The following CTTNBP2 variants were observed in gnomAD, a reference collection of about 807,000 sequenced individuals.
CTTNBP2 encodes the protein cortactin-binding protein 2.
Under a neutral mutation model 156.9 loss-of-function variants are expected in CTTNBP2, and 108 were observed. That is an observed-to-expected ratio of 0.69 (90% CI 0.59 to 0.81). The LOEUF is 0.81. Ranked by LOEUF, CTTNBP2 falls within the 30% of genes least tolerant of loss-of-function variation. CTTNBP2 has a pLI of 0.00. For synonymous variants in CTTNBP2, 767 were observed against 751.8 expected, an observed-to-expected ratio of 1.02 and a Z score of -0.33; for missense variants, 1,924 against 2,035.4, an observed-to-expected ratio of 0.95 and a Z score of 1.05.
At chr7:117,724,905 A>T (rs1007516637) in intron 18 of CTTNBP2, 147 bp downstream of exon 18, 2 of 1,001,458 alleles carry the variant, frequency 2.0e-6, no homozygotes, top group Non-Finnish European at 2.9e-6. Flanking sequence ...TCAAACATTA[A>T]CCAGTAATTA....
At chr7:117,788,586 C>G (rs1798828508) in intron 4 of CTTNBP2, among the ~76,000 whole-genome samples, 1 of 152,098 alleles carries the variant, frequency 6.6e-6, no homozygotes, top group Admixed American at 6.5e-5. Flanking sequence ...GGAGGCAGCT[C>G]TGGTGTTTCT....
At chr7:117,779,569 A>ATATATTC (rs1237723385) in intron 7 of CTTNBP2, among the ~76,000 whole-genome samples, 9 of 152,086 alleles carry the variant, frequency 5.9e-5, no homozygotes, top group African/African-American at 1.9e-4. Flanking sequence ...TTTATACTGA[A>ATATATTC]TGTGTGTAAC....
intron 3 of CTTNBP2, among the ~76,000 whole-genome samples, chr7:117,794,271 A>C (rs532116751): frequency 6.6e-6 from 1 of 152,248 alleles, no homozygotes; most frequent in South Asian, 2.1e-4. Context: ...CTCATGAAGG[A>C]CAAAGGACTC....
At chr7:117,724,062 A>C (rs1012436826) in intron 19 of CTTNBP2, among the ~76,000 whole-genome samples, 9 of 152,170 alleles carry the variant, frequency 5.9e-5, no homozygotes, top group African/African-American at 2.2e-4. Context: ...CTCTATTTCC[A>C]GTGCCTAGAC....
intron 3 of CTTNBP2, among the ~76,000 whole-genome samples, chr7:117,802,219 A>G (rs13225752): frequency 1.3e-5 from 2 of 151,898 alleles, no homozygotes; most frequent in African/African-American, 4.8e-5. Flanking sequence ...GAAAATTACA[A>G]TTATATAAGA....
intron 12 of CTTNBP2, among the ~76,000 whole-genome samples, chr7:117,755,878 G>T (rs560638317): frequency 6.6e-6 from 1 of 152,180 alleles, no homozygotes; most frequent in Admixed American, 6.5e-5. Flanking sequence ...CAGGAATGAC[G>T]TGTGCAATTC....
intron 2 of CTTNBP2, among the ~76,000 whole-genome samples, chr7:117,856,823 A>G (rs1187698354): frequency 2.0e-5 from 3 of 152,240 alleles, no homozygotes; most frequent in East Asian, 3.8e-4. Context: ...GCTTAAGCAC[A>G]TAATTTTGAC....
chr7:117,754,955 G>C (rs1234757406), intron 12 of CTTNBP2, among the ~76,000 whole-genome samples: 1 of 152,198 alleles, frequency 6.6e-6, no homozygotes, highest in Admixed American at 6.5e-5. Context: ...CCCTGGGTCA[G>C]AACCTTGCCT....
intron 4 of CTTNBP2, among the ~76,000 whole-genome samples, chr7:117,789,745 CA>C (rs142792644): frequency 0.15 from 22,757 of 151,992 alleles, 2,465 homozygotes; most frequent in African/African-American, 0.3. Flanking sequence ...AGCTCAATAC[CA>C]AGCTGACAGG....
At chr7:117,725,699 T>C (rs553800206) in intron 17 of CTTNBP2, among the ~76,000 whole-genome samples, 2 of 143,052 alleles carry the variant, frequency 1.4e-5, no homozygotes, top group Non-Finnish European at 3.1e-5. Context: ...ACTTTTTTTT[T>C]CTTTTTTTGA....
At chr7:117,717,393 A>G (rs1273504252) in intron 22 of CTTNBP2, among the ~76,000 whole-genome samples, 1 of 151,462 alleles carries the variant, frequency 6.6e-6, no homozygotes, top group Non-Finnish European at 1.5e-5. Flanking sequence ...ATTAACTCTA[A>G]TTTTCTAAAA....
intron 2 of CTTNBP2, among the ~76,000 whole-genome samples, chr7:117,814,071 T>G (rs1446973589): frequency 2.0e-5 from 3 of 152,310 alleles, no homozygotes. Context: ...GTACAGTACT[T>G]GTAACACTAA....
chr7:117,765,669 C>G (rs1797446877), intron 9 of CTTNBP2, among the ~76,000 whole-genome samples: 1 of 152,162 alleles, frequency 6.6e-6, no homozygotes, highest in South Asian at 2.1e-4. Flanking sequence ...TCCCATCCCT[C>G]TCATTATATA....
chr7:117,743,835 A>T (rs972666867), intron 14 of CTTNBP2, among the ~76,000 whole-genome samples: 1 of 151,560 alleles, frequency 6.6e-6, no homozygotes, highest in Non-Finnish European at 1.5e-5. Context: ...GTTAGCTACA[A>T]TTAGTAACAT....
rs190152169 is a variant in CTTNBP2, at chr7:117,828,543, T to C, written c.190-17554A>G. Among the ~76,000 whole-genome samples, 234 of 152,312 alleles carry C rather than the reference T, an allele frequency of 1.5e-3. 1 individual carries two copies. Among genetic ancestry groups the C allele is most frequent in the African/African-American group, 5.4e-3 (223 of 41,582 alleles). On this transcript the variant is annotated intron_variant, in intron 2 of 22. Transcript: ENST00000160373. Reference sequence around the variant, plus strand: ...GATCATGCTATTTTGTCTTCCTTCATTGTAGGTAATGTATGAACTGCTGTA... The same window carrying C: ...GATCATGCTATTTTGTCTTCCTTCACTGTAGGTAATGTATGAACTGCTGTA...
chr7:117,852,589 G>A (rs779459932), intron 2 of CTTNBP2, among the ~76,000 whole-genome samples: 3 of 152,128 alleles, frequency 2.0e-5, no homozygotes, highest in Admixed American at 6.5e-5. Flanking sequence ...AGAAGGACAC[G>A]TTAAAAATCA....
At chr7:117,858,736 T>C (rs764587375) in intron 2 of CTTNBP2, among the ~76,000 whole-genome samples, 19 of 152,238 alleles carry the variant, frequency 1.2e-4, no homozygotes, top group Admixed American at 3.9e-4. Flanking sequence ...GAACCTTCTA[T>C]ATGACCAGTC....
intron 2 of CTTNBP2, among the ~76,000 whole-genome samples, chr7:117,824,468 T>G (rs926801273): frequency 7.2e-5 from 11 of 152,244 alleles, no homozygotes; most frequent in Non-Finnish European, 7.3e-5. Flanking sequence ...CTTCTTAAGT[T>G]TGTTACTGAT....
intron 7 of CTTNBP2, among the ~76,000 whole-genome samples, chr7:117,779,803 CAGGCTGG>C (rs1052557054): frequency 4.0e-5 from 6 of 151,808 alleles, no homozygotes; most frequent in African/African-American, 1.5e-4. Context: ...TCTTTTCTCC[CAGGCTGG>C]AGTGCAACAG....
Sources: allele counts gnomAD v4.1 joint callset (sites outside exome capture counted in the v4.1 genomes callset), GRCh38; gene constraint gnomAD v4.1.1; transcripts MANE v1.5; gene names NCBI Gene and HGNC (gene_info 2026-07-23, HGNC 2026-07-21).